The following DDX10 variants were observed in gnomAD, a reference collection of about 807,000 sequenced individuals.
DDX10 encodes DEAD-box helicase 10, also known as probable ATP-dependent RNA helicase DDX10.
DDX10 carries 74 observed loss-of-function variants against 104.3 expected under a neutral mutation model. The observed-to-expected ratio is 0.71, with a 90% CI of 0.59 to 0.86. The LOEUF is 0.86. Among genes scored for constraint, DDX10 ranks in the 40% least tolerant of loss-of-function variants. The pLI is 0.00. For synonymous variants in DDX10, 351 were observed against 353.4 expected, an observed-to-expected ratio of 0.99 and a Z score of 0.08; for missense variants, 952 against 1,040.0, an observed-to-expected ratio of 0.92 and a Z score of 1.16.
intron 6 of DDX10, among the ~76,000 whole-genome samples, chr11:108,682,646 A>C (rs1360113450): frequency 2.6e-5 from 4 of 152,108 alleles, no homozygotes; most frequent in Non-Finnish European, 5.9e-5. Flanking sequence ...TAAGTATTTT[A>C]ATTCCACGTG....
intron 13 of DDX10, among the ~76,000 whole-genome samples, chr11:108,814,645 G>C (rs576653971): frequency 6.6e-6 from 1 of 151,904 alleles, no homozygotes; most frequent in South Asian, 2.1e-4. Context: ...TTGAATCTTA[G>C]AGTAACAAAA....
At chr11:108,737,277 A>C (rs886398378) in intron 13 of DDX10, among the ~76,000 whole-genome samples, 3 of 152,210 alleles carry the variant, frequency 2.0e-5, no homozygotes, top group Admixed American at 2.0e-4. Context: ...AGGACAAAAA[A>C]GTTTATCTCT....
chr11:108,787,998 T>G (rs1006833422), intron 13 of DDX10, among the ~76,000 whole-genome samples: 2 of 152,242 alleles, frequency 1.3e-5, no homozygotes, highest in Admixed American at 1.3e-4. Flanking sequence ...GAAGCTCAGT[T>G]TGGTTCTTAA....
intron 15 of DDX10, among the ~76,000 whole-genome samples, chr11:108,843,391 CT>C (rs71050891): frequency 4.9e-4 from 68 of 137,706 alleles, no homozygotes; most frequent in South Asian, 2.5e-3. Context: ...CTTGCACATC[CT>C]TTTTTTTTTT....
chr11:108,670,379 G>A (rs766524385), intron 1 of DDX10, among the ~76,000 whole-genome samples: 4 of 152,136 alleles, frequency 2.6e-5, no homozygotes, highest in Non-Finnish European at 5.9e-5. Flanking sequence ...CAGGTAGGAA[G>A]GTAGGAAGAG....
chr11:108,861,461 T>A (rs1019904229), intron 16 of DDX10, among the ~76,000 whole-genome samples: 1 of 152,118 alleles, frequency 6.6e-6, no homozygotes, highest in Non-Finnish European at 1.5e-5. Flanking sequence ...TATGATGAAA[T>A]GTTATATATG....
At chr11:108,876,582 A>G (rs2134628211) in intron 16 of DDX10, among the ~76,000 whole-genome samples, 1 of 152,320 alleles carries the variant, frequency 6.6e-6, no homozygotes, top group African/African-American at 2.4e-5. Flanking sequence ...TGTATTGACT[A>G]GTTCTGTGAT....
chr11:108,798,588 G>A (rs906614159), intron 13 of DDX10, among the ~76,000 whole-genome samples: 9 of 152,142 alleles, frequency 5.9e-5, no homozygotes, highest in Non-Finnish European at 8.8e-5. Flanking sequence ...ACTTAGCATC[G>A]TGTTCTCCCT....
intron 16 of DDX10, among the ~76,000 whole-genome samples, chr11:108,905,981 T>C (rs1295131284): frequency 6.6e-6 from 1 of 152,278 alleles, no homozygotes; most frequent in Non-Finnish European, 1.5e-5. Flanking sequence ...CCCTGTGATA[T>C]CCGATTACCT....
At chr11:108,803,024 G>C (rs568596328) in intron 13 of DDX10, among the ~76,000 whole-genome samples, 2 of 152,332 alleles carry the variant, frequency 1.3e-5, no homozygotes, top group Non-Finnish European at 2.9e-5. Flanking sequence ...AATTGGAATT[G>C]AATGTATCCT....
chr11:108,891,472 A>T (rs183248647), intron 16 of DDX10, among the ~76,000 whole-genome samples: 2 of 152,332 alleles, frequency 1.3e-5, no homozygotes, highest in East Asian at 3.9e-4. Context: ...AATGAACAAC[A>T]CATTCTTTCA....
chr11:108,698,668 A>C (rs1000467374), intron 9 of DDX10, among the ~76,000 whole-genome samples: 25 of 152,110 alleles, frequency 1.6e-4, no homozygotes, highest in African/African-American at 5.8e-4. Context: ...CCCCCACTTT[A>C]TTCTCCTGTC....
intron 7 of DDX10, among the ~76,000 whole-genome samples, chr11:108,691,564 C>T (rs2094252538): frequency 6.6e-6 from 1 of 152,100 alleles, no homozygotes; most frequent in Non-Finnish European, 1.5e-5. Context: ...GTTCAGTCAG[C>T]CTATGGCCAC....
At chr11:108,897,341 T>G (rs1041313943) in intron 16 of DDX10, among the ~76,000 whole-genome samples, 8 of 152,100 alleles carry the variant, frequency 5.3e-5, no homozygotes, top group African/African-American at 1.9e-4. Context: ...GCCCCATGGA[T>G]GGATGATTAA....
At chr11:108,911,467 T>A (rs1349273845) in intron 16 of DDX10, among the ~76,000 whole-genome samples, 1 of 151,876 alleles carries the variant, frequency 6.6e-6, no homozygotes, top group East Asian at 1.9e-4. Context: ...TGAGCAAGTT[T>A]CCTCAGACCT....
At chr11:108,713,088 T>TA (rs1015306486) in intron 10 of DDX10, among the ~76,000 whole-genome samples, 1 of 152,074 alleles carries the variant, frequency 6.6e-6, no homozygotes, top group East Asian at 1.9e-4. Flanking sequence ...CTTTCAGGAT[T>TA]AAAAAAATAT....
chr11:108,876,567 C>T (rs933702772), intron 16 of DDX10, among the ~76,000 whole-genome samples: 1 of 152,076 alleles, frequency 6.6e-6, no homozygotes, highest in African/African-American at 2.4e-5. Flanking sequence ...TGGATTAAAA[C>T]CCAGTGTATT....
chr11:108,718,134 C>T (rs1034513942), intron 11 of DDX10, among the ~76,000 whole-genome samples: 2 of 151,002 alleles, frequency 1.3e-5, no homozygotes, highest in Non-Finnish European at 2.9e-5. Flanking sequence ...CATTGCACTG[C>T]AGCTGGCCTA....
At chr11:108,926,910 A>G (rs1863916531) in intron 17 of DDX10, among the ~76,000 whole-genome samples, 2 of 152,226 alleles carry the variant, frequency 1.3e-5, no homozygotes. Context: ...AGCTACATTT[A>G]TGATATGAAT....
Sources: gnomAD v4.1 joint callset for allele counts (sites outside exome capture counted in the v4.1 genomes callset) on GRCh38, gnomAD v4.1.1 for gene constraint, MANE v1.5 for transcripts, NCBI Gene and HGNC (gene_info 2026-07-23, HGNC 2026-07-21) for gene names.